The following GULP1 variants were observed in gnomAD, a reference collection of about 807,000 sequenced individuals.
GULP1 encodes the protein GULP PTB domain containing engulfment adaptor 1.
In GULP1, 19 loss-of-function variants were observed where a neutral mutation model predicts 40.9. That is an observed-to-expected ratio of 0.46 (90% CI 0.32 to 0.68). The LOEUF is 0.68. Among genes scored for constraint, GULP1 ranks in the 30% least tolerant of loss-of-function variants. The probability of loss-of-function intolerance (pLI) is 0.03; values close to 1 mark genes in which losing one functional copy is unlikely to be tolerated. For synonymous variants in GULP1, 119 were observed against 117.6 expected (o/e 1.01, Z -0.08); for missense variants, 312 against 362.2 (o/e 0.86, Z 1.12).
At chr2:188,327,808 A>T (rs13008931) in intron 1 of GULP1, among the ~76,000 whole-genome samples, 3 of 151,792 alleles carry the variant, frequency 2.0e-5, no homozygotes, top group Non-Finnish European at 2.9e-5. Context: ...TGAAAGTGGC[A>T]TTTTTTGAGG....
intron 2 of GULP1, among the ~76,000 whole-genome samples, chr2:188,395,279 T>C (rs2051085940): frequency 6.6e-6 from 1 of 152,206 alleles, no homozygotes; most frequent in African/African-American, 2.4e-5. Context: ...GCACAAGTTT[T>C]CATCTGCACA....
intron 6 of GULP1, among the ~76,000 whole-genome samples, chr2:188,534,137 G>GTA (rs1400009323): frequency 1.3e-5 from 2 of 151,950 alleles, no homozygotes; most frequent in African/African-American, 2.4e-5. Context: ...TATATACTTG[G>GTA]TATATATCCA....
intron 4 of GULP1, among the ~76,000 whole-genome samples, chr2:188,505,392 C>A (rs991141188): frequency 6.6e-6 from 1 of 151,682 alleles, no homozygotes; most frequent in Non-Finnish European, 1.5e-5. Flanking sequence ...ATCTACAATC[C>A]CGAGTCATTC....
chr2:188,356,381 T>C (rs558159486), intron 1 of GULP1, among the ~76,000 whole-genome samples: 1 of 152,222 alleles, frequency 6.6e-6, no homozygotes, highest in South Asian at 2.1e-4. Flanking sequence ...CAGTAGTGTT[T>C]CTATACACCA....
intron 1 of GULP1, among the ~76,000 whole-genome samples, chr2:188,302,199 A>T (rs1342698033): frequency 6.6e-6 from 1 of 152,174 alleles, no homozygotes; most frequent in Non-Finnish European, 1.5e-5. Context: ...CCATGCATTA[A>T]GTTTTTAATA....
chr2:188,403,368 C>T (rs536870522), intron 2 of GULP1, among the ~76,000 whole-genome samples: 9 of 152,028 alleles, frequency 5.9e-5, no homozygotes, highest in African/African-American at 1.2e-4. Context: ...TATATTGTTA[C>T]GTGCCCTAAA....
At chr2:188,490,040 A>G (rs1262079270) in intron 4 of GULP1, among the ~76,000 whole-genome samples, 1 of 152,146 alleles carries the variant, frequency 6.6e-6, no homozygotes, top group African/African-American at 2.4e-5. Flanking sequence ...AGCTGCTAGA[A>G]ATTATTGAAT....
intron 1 of GULP1, among the ~76,000 whole-genome samples, chr2:188,330,108 C>T (rs942336988): frequency 3.9e-5 from 6 of 152,060 alleles, no homozygotes; most frequent in Non-Finnish European, 7.4e-5. Flanking sequence ...ATTACCTAGG[C>T]TGTTGATTCT....
intron 2 of GULP1, among the ~76,000 whole-genome samples, chr2:188,408,406 T>A (rs965495237): frequency 6.6e-6 from 1 of 151,984 alleles, no homozygotes; most frequent in African/African-American, 2.4e-5. Flanking sequence ...AGTCAAAAAC[T>A]GTAAAATAAG....
intron 1 of GULP1, among the ~76,000 whole-genome samples, chr2:188,352,205 A>G (rs1035085702): frequency 6.6e-6 from 1 of 152,152 alleles, no homozygotes; most frequent in African/African-American, 2.4e-5. Context: ...TGAGGATGAG[A>G]CATTTGAATT....
At chr2:188,523,198 GAT>G (rs1685288268) in intron 5 of GULP1, among the ~76,000 whole-genome samples, 3 of 152,146 alleles carry the variant, frequency 2.0e-5, no homozygotes, top group African/African-American at 7.2e-5. Context: ...TAAAAGCTAA[GAT>G]ATAATATCCA....
At chr2:188,541,495 G>C in intron 7 of GULP1, 177 bp downstream of exon 7, 1 of 662,970 alleles carries the variant, frequency 1.5e-6, no homozygotes. Flanking sequence ...ATATGCTTCA[G>C]GATTTCATCT....
intron 1 of GULP1, chr2:188,297,446 A>G (rs1467980031): frequency 2.2e-6 from 1 of 463,812 alleles, no homozygotes; most frequent in Non-Finnish European, 4.5e-6. Flanking sequence ...GGTATGGTAC[A>G]GCTTTTTCTT....
chr2:188,557,968 C>T (rs1390396899), intron 7 of GULP1, among the ~76,000 whole-genome samples: 1 of 152,142 alleles, frequency 6.6e-6, no homozygotes, highest in Non-Finnish European at 1.5e-5. Context: ...GGGCCTGGCC[C>T]ATGAAACCAT....
intron 2 of GULP1, among the ~76,000 whole-genome samples, chr2:188,423,860 T>A (rs1295059146): frequency 6.6e-6 from 1 of 151,734 alleles, no homozygotes; most frequent in Non-Finnish European, 1.5e-5. Flanking sequence ...ATATATAATA[T>A]TTTTAAAATT....
intron 4 of GULP1, among the ~76,000 whole-genome samples, chr2:188,511,550 T>C (rs1260916854): frequency 6.6e-6 from 1 of 152,152 alleles, no homozygotes; most frequent in African/African-American, 2.4e-5. Context: ...TGGGAGGGAC[T>C]CCACAGGCAG....
chr2:188,412,854 T>A (rs561650975), intron 2 of GULP1, among the ~76,000 whole-genome samples: 14 of 152,354 alleles, frequency 9.2e-5, no homozygotes, highest in Middle Eastern at 6.8e-3. Context: ...CCCCACTCTT[T>A]AGTGCCTGCT....
rs2153321865 is a variant in GULP1 at position 188,541,189 on chromosome 2, A to G, written c.270A>G (p.Gln90=). 1.9e-6 allele frequency: 3 copies of G among 1,613,074 alleles called. No homozygotes were observed. Among genetic ancestry groups the G allele is most frequent in the African/African-American group, 2.7e-5 (2 of 75,038 alleles). ...KILEPKTKEV[Q]HNCQLHRISF... Reference sequence around the variant, plus strand: ...TCCATCTGTGTTCACAGGAAGTTCAACACAATTGCCAGCTTCATAGAATAT... The same window carrying G: ...TCCATCTGTGTTCACAGGAAGTTCAGCACAATTGCCAGCTTCATAGAATAT... Residue 90 remains glutamine (Q), a synonymous_variant, in exon 7 of 12, where the codon CAA becomes CAG. Coordinates refer to ENST00000409830, the MANE Select transcript of GULP1 (RefSeq NM_016315.4).
chr2:188,565,062 C>G (rs955285903), intron 7 of GULP1, among the ~76,000 whole-genome samples: 1 of 151,794 alleles, frequency 6.6e-6, no homozygotes, highest in Non-Finnish European at 1.5e-5. Flanking sequence ...GGATCATAGA[C>G]ATAAAAGTAG....
Sources: gnomAD v4.1 joint callset for allele counts (sites outside exome capture counted in the v4.1 genomes callset) on GRCh38, gnomAD v4.1.1 for gene constraint, MANE v1.5 for transcripts, NCBI Gene and HGNC (gene_info 2026-07-23, HGNC 2026-07-21) for gene names.